Variants in DNAJC1 observed in about 807,000 individuals in gnomAD.
DNAJC1 encodes DnaJ heat shock protein family (Hsp40) member C1.
In DNAJC1, 58 loss-of-function variants were observed where a neutral mutation model predicts 76.6. The observed-to-expected ratio is 0.76, with a 90% confidence interval of 0.61 to 0.94. DNAJC1 has a LOEUF of 0.94. Among genes scored for constraint, DNAJC1 ranks in the 40% least tolerant of loss-of-function variants. DNAJC1 has a pLI of 0.00. For synonymous variants in DNAJC1, 258 were observed against 267.9 expected (o/e 0.96, Z 0.36); for missense variants, 689 against 677.3 (o/e 1.02, Z -0.19).
chr10:21,910,968 GA>G lies in DNAJC1; in HGVS notation c.730-6357del, dbSNP rs1554896321. On this transcript the variant is annotated intron_variant, in intron 6 of 11. Coordinates refer to ENST00000376980, the MANE Select transcript of DNAJC1 (RefSeq NM_022365.4). The stretch of plus-strand genomic sequence containing the variant: ...GACAAAGAAGAGAGAGAGAAAGAAA[GA>G]GGGGGGGAAGAGAGAAAGAGGGAGA... Among the ~76,000 whole-genome samples the G allele has an allele frequency of 7.6e-5, 11 of 145,172 alleles. 1 individual carries two copies. In the South Asian group the frequency reaches 1.3e-3, roughly 17 times the overall value.
intron 1 of DNAJC1, among the ~76,000 whole-genome samples, chr10:22,002,386 C>T (rs956017247): frequency 4.6e-5 from 7 of 152,032 alleles, no homozygotes; most frequent in African/African-American, 1.7e-4. Context: ...CACTCAACCA[C>T]CCTCAATGGT....
intron 8 of DNAJC1, among the ~76,000 whole-genome samples, chr10:21,870,159 T>A (rs1467739592): frequency 6.6e-6 from 1 of 152,066 alleles, no homozygotes; most frequent in Non-Finnish European, 1.5e-5. Flanking sequence ...AATCAATTGG[T>A]ATACTTTATC....
At chr10:21,942,073 A>C (rs1837422736) in intron 1 of DNAJC1, among the ~76,000 whole-genome samples, 1 of 152,196 alleles carries the variant, frequency 6.6e-6, no homozygotes, top group Non-Finnish European at 1.5e-5. Flanking sequence ...ACATATACTG[A>C]GCTCCCTTAT....
chr10:21,786,445 TATATATATATATATATATAG>T (rs1484757957), intron 9 of DNAJC1, among the ~76,000 whole-genome samples: 131 of 110,498 alleles, frequency 1.2e-3, no homozygotes, highest in African/African-American at 4.5e-3. Flanking sequence ...TATATATATA[TATATATATATATATATATAG>T]AGAGAGAGAG....
chr10:21,810,493 C>T (rs1834947369), intron 8 of DNAJC1, among the ~76,000 whole-genome samples: 1 of 152,106 alleles, frequency 6.6e-6, no homozygotes, highest in African/African-American at 2.4e-5. Context: ...GTCATCACAC[C>T]CATTGTTCTA....
chr10:21,772,269 TTC>T (rs936172399), intron 9 of DNAJC1, among the ~76,000 whole-genome samples: 14 of 114,226 alleles, frequency 1.2e-4, no homozygotes, highest in East Asian at 2.9e-4. Context: ...TTCACCCCTC[TTC>T]TTTTTTTTTT....
At chr10:21,827,190 C>T (rs574813683) in intron 8 of DNAJC1, among the ~76,000 whole-genome samples, 1 of 152,228 alleles carries the variant, frequency 6.6e-6, no homozygotes, top group South Asian at 2.1e-4. Flanking sequence ...TTCAAAGTCA[C>T]TTTGTCCAGT....
intron 8 of DNAJC1, among the ~76,000 whole-genome samples, chr10:21,812,459 T>A (rs572611647): frequency 6.6e-6 from 1 of 152,344 alleles, no homozygotes; most frequent in South Asian, 2.1e-4. Flanking sequence ...TTGGTTGTCT[T>A]CTTATTAGTT....
chr10:21,885,826 A>C (rs1836359147), intron 7 of DNAJC1, among the ~76,000 whole-genome samples: 1 of 152,200 alleles, frequency 6.6e-6, no homozygotes, highest in African/African-American at 2.4e-5. Context: ...TCTGGGACAC[A>C]GCTAAGGCAG....
chr10:21,863,868 A>G lies in DNAJC1; in HGVS notation c.978+18414T>C, dbSNP rs182463388. ...CATCTGTTAAAAGCCTGCACCTAAC[A>G]TAATTGGTGGTAAAAGACTGAATGC... On this transcript the variant is annotated intron_variant, in intron 8 of 11. Coordinates refer to ENST00000376980, the MANE Select transcript of DNAJC1 (RefSeq NM_022365.4). Among the ~76,000 whole-genome samples, 340 of 152,238 alleles carry G rather than the reference A, an allele frequency of 2.2e-3. 4 individuals carry two copies. The highest frequency in any genetic ancestry group is 7.8e-3 in the African/African-American group (324 of 41,508).
At chr10:21,788,159 G>T (rs1834636043) in intron 9 of DNAJC1, among the ~76,000 whole-genome samples, 1 of 152,194 alleles carries the variant, frequency 6.6e-6, no homozygotes, top group Non-Finnish European at 1.5e-5. Context: ...CAGAGGAAAG[G>T]GTGCTTTGAC....
In DNAJC1 at chr10:21,945,299, T is replaced by A. The variant is rs914427554; in HGVS notation, c.223-16158A>T. On this transcript the variant is annotated intron_variant, in intron 1 of 11. Transcript: ENST00000376980. ...TGCTAGAGTAATGGGTACAGATACC[T>A]AAGAAGAGTGGTGTAAAATGAAGGG... Among the ~76,000 whole-genome samples, 4 of 152,282 alleles carry A rather than the reference T, an allele frequency of 2.6e-5. No individual in the cohort carries two copies. The South Asian group carries it at 8.3e-4, about 32-fold the overall frequency.
At chr10:21,792,194 A>G (rs566402082) in intron 9 of DNAJC1, among the ~76,000 whole-genome samples, 3 of 152,374 alleles carry the variant, frequency 2.0e-5, no homozygotes, top group South Asian at 4.1e-4. Context: ...TAGACCCGTA[A>G]TAACTTAAAA....
chr10:21,982,259 T>A (rs1313413801), intron 1 of DNAJC1, among the ~76,000 whole-genome samples: 1 of 152,082 alleles, frequency 6.6e-6, no homozygotes, highest in African/African-American at 2.4e-5. Flanking sequence ...GACTTAAAAA[T>A]AGATCAAGGA....
intron 8 of DNAJC1, among the ~76,000 whole-genome samples, chr10:21,807,239 T>G (rs1834893889): frequency 6.6e-6 from 1 of 152,136 alleles, no homozygotes; most frequent in South Asian, 2.1e-4. Flanking sequence ...ATCAGGCAGT[T>G]TGCATTACAG....
intron 7 of DNAJC1, among the ~76,000 whole-genome samples, chr10:21,886,493 T>A (rs1836367855): frequency 6.6e-6 from 1 of 152,148 alleles, no homozygotes; most frequent in Admixed American, 6.5e-5. Context: ...GCCAGCATCA[T>A]CCTGATACTA....
intron 1 of DNAJC1, among the ~76,000 whole-genome samples, chr10:21,983,585 T>C (rs1838191210): frequency 6.6e-6 from 1 of 151,992 alleles, no homozygotes; most frequent in African/African-American, 2.4e-5. Context: ...CCGGGTGTGG[T>C]GGCACTCGCC....
intron 8 of DNAJC1, among the ~76,000 whole-genome samples, chr10:21,818,674 G>A (rs923049595): frequency 1.3e-5 from 2 of 152,082 alleles, no homozygotes; most frequent in African/African-American, 4.8e-5. Flanking sequence ...CCTGGCCGAC[G>A]CTTAGGAAAA....
chr10:21,771,461 C>A (rs1564782856), intron 9 of DNAJC1, among the ~76,000 whole-genome samples: 1 of 151,198 alleles, frequency 6.6e-6, no homozygotes. Flanking sequence ...TCCTAGTCTG[C>A]TGAGTGTTTT....
Sources: allele counts gnomAD v4.1 joint callset (sites outside exome capture counted in the v4.1 genomes callset), GRCh38; gene constraint gnomAD v4.1.1; transcripts MANE v1.5; gene names NCBI Gene and HGNC (gene_info 2026-07-23, HGNC 2026-07-21).